Variants in IL1RAPL2 observed in about 807,000 individuals in gnomAD.
IL1RAPL2 encodes X-linked interleukin-1 receptor accessory protein-like 2.
Under a neutral mutation model 44.1 loss-of-function variants are expected in IL1RAPL2, and 3 were observed. The observed-to-expected ratio is 0.07, with a 90% CI of 0.03 to 0.18. IL1RAPL2 has a LOEUF of 0.18. IL1RAPL2 is among the 10% of genes least tolerant of loss of function. IL1RAPL2 has a pLI of 1.00. For synonymous variants in IL1RAPL2, 181 were observed against 178.8 expected, an observed-to-expected ratio of 1.01 and a Z score of -0.10; for missense variants, 391 against 496.4, an observed-to-expected ratio of 0.79 and a Z score of 2.02.
chrX:105,596,379 A>T, intron 6 of IL1RAPL2, among the ~76,000 whole-genome samples: 1 of 109,703 alleles, frequency 9.1e-6, no homozygotes, highest in East Asian at 2.9e-4. Context: ...TTGTCTCAAG[A>T]TATTTTTTAA....
At chrX:104,896,592 T>C (rs1203459065) in intron 2 of IL1RAPL2, among the ~76,000 whole-genome samples, 7 of 111,425 alleles carry the variant, frequency 6.3e-5, no homozygotes, top group Admixed American at 4.8e-4. Context: ...GTGCTCTATC[T>C]AGCTAAAGGT....
At chrX:105,754,459 G>A (rs1236232047) in intron 9 of IL1RAPL2, among the ~76,000 whole-genome samples, 1 of 112,338 alleles carries the variant, frequency 8.9e-6, no homozygotes, top group African/African-American at 3.2e-5. Flanking sequence ...TTAACTCCCT[G>A]ACTAAATGTG....
intron 2 of IL1RAPL2, among the ~76,000 whole-genome samples, chrX:104,917,194 G>T (rs1310903681): frequency 9.0e-6 from 1 of 111,166 alleles, no homozygotes; most frequent in Non-Finnish European, 1.9e-5. Flanking sequence ...GAATCCATCT[G>T]GTCCTGGACT....
intron 2 of IL1RAPL2, among the ~76,000 whole-genome samples, chrX:105,007,683 C>T (rs1051467728): frequency 1.6e-4 from 18 of 111,519 alleles, no homozygotes; most frequent in East Asian, 2.8e-4. Flanking sequence ...TAGAGCTCTG[C>T]GCCTACCTTT....
intron 2 of IL1RAPL2, among the ~76,000 whole-genome samples, chrX:104,767,530 A>G (rs1414448611): frequency 9.0e-6 from 1 of 111,565 alleles, no homozygotes; most frequent in Non-Finnish European, 1.9e-5. Context: ...AAAATACCAA[A>G]CATCTGCTTG....
intron 6 of IL1RAPL2, among the ~76,000 whole-genome samples, chrX:105,619,544 A>T (rs1223762455): frequency 1.8e-5 from 2 of 111,436 alleles, no homozygotes; most frequent in East Asian, 5.7e-4. Context: ...TCCAACAGTT[A>T]TATTTTGGGA....
intron 2 of IL1RAPL2, among the ~76,000 whole-genome samples, chrX:105,159,126 C>T (rs886677413): frequency 8.9e-6 from 1 of 112,278 alleles, no homozygotes; most frequent in Non-Finnish European, 1.9e-5. Flanking sequence ...TTATTTTATT[C>T]CCATTTTGGA....
At chrX:105,640,091 A>G (rs2037553542) in intron 6 of IL1RAPL2, among the ~76,000 whole-genome samples, 1 of 111,265 alleles carries the variant, frequency 9.0e-6, no homozygotes, top group Non-Finnish European at 1.9e-5. Context: ...TATTTTTTCT[A>G]TCTAACTGAA....
chrX:105,318,097 C>G (rs770907190), intron 5 of IL1RAPL2, among the ~76,000 whole-genome samples: 1 of 109,626 alleles, frequency 9.1e-6, no homozygotes, highest in Admixed American at 9.7e-5. Flanking sequence ...CTCAGCCTCC[C>G]GAGTAGCTGG....
chrX:105,467,617 A>G (rs1006009717), intron 5 of IL1RAPL2, among the ~76,000 whole-genome samples: 5 of 95,734 alleles, frequency 5.2e-5, no homozygotes, highest in African/African-American at 1.8e-4. Flanking sequence ...AGAAGTCATC[A>G]GGGATCTACA....
At chrX:104,871,428 C>A (rs1225290785) in intron 2 of IL1RAPL2, among the ~76,000 whole-genome samples, 1 of 111,582 alleles carries the variant, frequency 9.0e-6, no homozygotes, top group Non-Finnish European at 1.9e-5. Context: ...TATTGAATCT[C>A]CCTGGTCCTT....
At chrX:104,935,661 G>A (rs1017265827) in intron 2 of IL1RAPL2, among the ~76,000 whole-genome samples, 2 of 111,782 alleles carry the variant, frequency 1.8e-5, no homozygotes, top group Admixed American at 9.5e-5. Flanking sequence ...TATACTCTTC[G>A]GTGATCATTT....
At chrX:104,693,397 C>T (rs1931126899) in intron 2 of IL1RAPL2, among the ~76,000 whole-genome samples, 1 of 111,598 alleles carries the variant, frequency 9.0e-6, no homozygotes, top group Admixed American at 9.6e-5. Context: ...ACTTGAGGGA[C>T]CAATAGGTTT....
At chrX:104,599,650 GCACA>G (rs35769134) in intron 1 of IL1RAPL2, among the ~76,000 whole-genome samples, 5,811 of 86,032 alleles carry the variant, frequency 0.068, 363 homozygotes, top group African/African-American at 0.19. Flanking sequence ...GATGGATTTA[GCACA>G]CACACACACA....
At chrX:105,185,590 T>C (rs983254826) in intron 2 of IL1RAPL2, among the ~76,000 whole-genome samples, 2 of 111,374 alleles carry the variant, frequency 1.8e-5, no homozygotes, top group African/African-American at 6.5e-5. Context: ...GGGTATCTTG[T>C]TAATGAGGCA....
intron 2 of IL1RAPL2, among the ~76,000 whole-genome samples, chrX:104,990,582 T>A (rs1301914470): frequency 9.0e-6 from 1 of 111,659 alleles, no homozygotes; most frequent in Non-Finnish European, 1.9e-5. Flanking sequence ...ATAATGGACA[T>A]CTTGCAAAAG....
chrX:104,866,312 C>A (rs777042115), intron 2 of IL1RAPL2, among the ~76,000 whole-genome samples: 1 of 111,233 alleles, frequency 9.0e-6, no homozygotes, highest in South Asian at 3.8e-4. Flanking sequence ...TATTGGAGTA[C>A]GTTGCTCATA....
intron 5 of IL1RAPL2, among the ~76,000 whole-genome samples, chrX:105,283,016 C>T: frequency 9.0e-6 from 1 of 111,542 alleles, no homozygotes; most frequent in Non-Finnish European, 1.9e-5. Flanking sequence ...AATTTACCTC[C>T]TGGCGAGCAT....
chrX:105,704,541 T>C (rs1415445648), intron 6 of IL1RAPL2, among the ~76,000 whole-genome samples: 2 of 112,195 alleles, frequency 1.8e-5, no homozygotes, highest in Non-Finnish European at 3.8e-5. Context: ...ATATTAAATA[T>C]ACTTTAAAAA....
Sources: gnomAD v4.1 joint callset for allele counts (sites outside exome capture counted in the v4.1 genomes callset) on GRCh38, gnomAD v4.1.1 for gene constraint, MANE v1.5 for transcripts, NCBI Gene and HGNC (gene_info 2026-07-23, HGNC 2026-07-21) for gene names.